Variants in TMEM230 observed in about 807,000 individuals in gnomAD.
TMEM230 encodes the protein UPF0414 transmembrane protein C20orf30.
In TMEM230, 10 loss-of-function variants were observed where a neutral mutation model predicts 15.8. That is an observed-to-expected ratio of 0.63 (90% CI 0.39 to 1.07). The LOEUF (loss-of-function observed/expected upper bound fraction) is 1.07. TMEM230 is among the 50% of genes least tolerant of loss of function. The pLI is 0.01. For synonymous variants in TMEM230, 67 were observed against 76.9 expected, an observed-to-expected ratio of 0.87 and a Z score of 0.68; for missense variants, 165 against 193.3, an observed-to-expected ratio of 0.85 and a Z score of 0.87.
intron 3 of TMEM230, among the ~76,000 whole-genome samples, chr20:5,072,210 C>G (rs1157126920): frequency 6.6e-6 from 1 of 152,098 alleles, no homozygotes. Context: ...ACCACCATGC[C>G]TGGCTGATTT....
chr20:5,085,853 TG>T (rs1307606401), intron 3 of TMEM230, among the ~76,000 whole-genome samples: 2 of 152,096 alleles, frequency 1.3e-5, no homozygotes, highest in Non-Finnish European at 2.9e-5. Context: ...CTCACCTGCC[TG>T]CATCCTCTCC....
At chr20:5,072,105 C>T (rs2088846681) in intron 3 of TMEM230, among the ~76,000 whole-genome samples, 1 of 152,142 alleles carries the variant, frequency 6.6e-6, no homozygotes, top group African/African-American at 2.4e-5. Flanking sequence ...GGCTGGAGTG[C>T]AGTGGCACCA....
At chr20:5,071,288 C>T (rs867127281) in intron 3 of TMEM230, among the ~76,000 whole-genome samples, 30 of 151,646 alleles carry the variant, frequency 2.0e-4, no homozygotes, top group Admixed American at 5.9e-4. Flanking sequence ...CGTGTAGGGA[C>T]GGGAAGCTGG....
downstream of TMEM230, among the ~76,000 whole-genome samples, chr20:5,098,035 T>C (rs545348039): frequency 2.4e-3 from 320 of 134,704 alleles, 2 homozygotes; most frequent in African/African-American, 8.5e-3. Context: ...TGGAGTGCAG[T>C]GGTGCGATCT....
chr20:5,083,066 T>C (rs1329340426), intron 3 of TMEM230, among the ~76,000 whole-genome samples: 1 of 151,956 alleles, frequency 6.6e-6, no homozygotes, highest in Non-Finnish European at 1.5e-5. Flanking sequence ...TAGCTGGGAT[T>C]ACAGGCGTGC....
At chr20:5,096,240 G>A (rs570062430), downstream of TMEM230, among the ~76,000 whole-genome samples, 1 of 152,368 alleles carries the variant, frequency 6.6e-6, no homozygotes, top group South Asian at 2.1e-4. Context: ...TGAAGCCAAA[G>A]CAGTGATCCT....
At chr20:5,064,800 G>GA (rs988262878), downstream of TMEM230, among the ~76,000 whole-genome samples, 3 of 151,578 alleles carry the variant, frequency 2.0e-5, no homozygotes, top group African/African-American at 4.8e-5. Context: ...GGTGATCAAA[G>GA]AAAAAAAAGA....
downstream of TMEM230, among the ~76,000 whole-genome samples, chr20:5,099,231 TAAATCAATCAATC>T (rs2089758924): frequency 5.2e-5 from 4 of 76,860 alleles, no homozygotes; most frequent in East Asian, 3.0e-4. Context: ...AATAAATAAA[TAAATCAATCAATC>T]AATAATAAAT....
chr20:5,103,705 A>C (rs908445801), intron 4 of TMEM230, among the ~76,000 whole-genome samples: 1 of 152,114 alleles, frequency 6.6e-6, no homozygotes, highest in African/African-American at 2.4e-5. Flanking sequence ...CTTTTCAATA[A>C]ATGGTATTAG....
chr20:5,109,168 C>A (rs2090211133), intron 3 of TMEM230, 164 bp downstream of exon 2: 5 of 563,630 alleles, frequency 8.9e-6, no homozygotes, highest in Non-Finnish European at 1.6e-5. Flanking sequence ...CCTGCCACGG[C>A]CCTCTTCTGC....
rs1321473629 is a variant in TMEM230, at chr20:5,081,974, A to T, written c.223-12625T>A. Among the ~76,000 whole-genome samples the T allele has an allele frequency of 2.7e-5, 4 of 148,184 alleles. No homozygotes were observed. The East Asian group carries it at 6.0e-4, about 22-fold the overall frequency. Reference sequence around the variant, plus strand: ...CTACAACCTCTGCCTCTCGGGTTCAAGCAATTCTCCTGCCTCAGCCTCCCG... The same window carrying T: ...CTACAACCTCTGCCTCTCGGGTTCATGCAATTCTCCTGCCTCAGCCTCCCG... On this transcript the variant is annotated intron_variant, in intron 3 of 3. Transcript: ENST00000612323.
intron 1 of TMEM230, chr20:5,112,741 A>G: frequency 6.9e-7 from 1 of 1,450,532 alleles, no homozygotes; most frequent in Non-Finnish European, 9.1e-7. Flanking sequence ...TTATTCTCCT[A>G]CCCGTCTTCA....
At chr20:5,067,258 C>T (rs538085659), downstream of TMEM230, 2 of 151,150 alleles carry the variant, frequency 1.3e-5, no homozygotes, top group Admixed American at 6.6e-5. Context: ...AAATAAAGCC[C>T]CAGTATGTCC....
chr20:5,104,264 T>G (rs2089984033), intron 4 of TMEM230, among the ~76,000 whole-genome samples: 1 of 152,224 alleles, frequency 6.6e-6, no homozygotes, highest in Non-Finnish European at 1.5e-5. Context: ...CTCGCTATGT[T>G]GCGCAGGCTG....
At chr20:5,105,978 A>C (rs187784714) in intron 4 of TMEM230, among the ~76,000 whole-genome samples, 165 of 152,132 alleles carry the variant, frequency 1.1e-3, no homozygotes, top group Admixed American at 8.7e-3. Flanking sequence ...AGGTGAGAGG[A>C]TCGCTTGAGC....
intron 3 of TMEM230, among the ~76,000 whole-genome samples, chr20:5,093,894 G>A (rs1053058400): frequency 6.6e-6 from 1 of 151,952 alleles, no homozygotes; most frequent in African/African-American, 2.4e-5. Context: ...AAATAACTCT[G>A]ATATCCCAAA....
intron 2 of TMEM230, among the ~76,000 whole-genome samples, chr20:5,109,853 C>A (rs2090243052): frequency 6.6e-6 from 1 of 152,172 alleles, no homozygotes; most frequent in African/African-American, 2.4e-5. Flanking sequence ...CATTGCCTGT[C>A]CCCTGCTCCC....
chr20:5,100,641 C>T lies in TMEM230; in HGVS notation c.*150G>A. 6.9e-7 allele frequency: 1 copy of T among 1,444,798 alleles called. No individual in the cohort carries two copies. Among genetic ancestry groups the T allele is most frequent in the Non-Finnish European group, 9.1e-7 (1 of 1,101,126 alleles). The allele number at this position is 1,444,798 out of a possible 1,614,324, so 89.5% of individuals were successfully genotyped here. ...ATTAGCTAACTGTAGGTTCACTTAA[C>T]ATCTTTGGGAAGGACCCAAAAAATC... On this transcript the variant is annotated 3_prime_UTR_variant, in exon 5 of 5. Coordinates refer to ENST00000342308, the MANE Select transcript of TMEM230 (RefSeq NM_001009923.2).
At chr20:5,082,234 TTC>T (rs59648052) in intron 3 of TMEM230, among the ~76,000 whole-genome samples, 18 of 148,954 alleles carry the variant, frequency 1.2e-4, no homozygotes, top group African/African-American at 2.2e-4. Flanking sequence ...CTCTCTCTCT[TTC>T]TCTCTCTCTC....
Sources: gnomAD v4.1 joint callset for allele counts (sites outside exome capture counted in the v4.1 genomes callset) on GRCh38, gnomAD v4.1.1 for gene constraint, MANE v1.5 for transcripts, NCBI Gene and HGNC (gene_info 2026-07-23, HGNC 2026-07-21) for gene names.